RAD54L2: variants seen among roughly 807,000 people sequenced by gnomAD.
RAD54L2 encodes helicase ARIP4.
RAD54L2 carries 27 observed loss-of-function variants against 138.4 expected under a neutral mutation model. That is an observed-to-expected ratio of 0.20 (90% CI 0.14 to 0.27). RAD54L2 has a LOEUF of 0.27. RAD54L2 is among the 10% of genes least tolerant of loss of function. The pLI is 1.00. For missense variants in RAD54L2, 1,396 were observed against 1,890.2 expected, an observed-to-expected ratio of 0.74 and a Z score of 4.85; for synonymous variants, 644 against 723.2, an observed-to-expected ratio of 0.89 and a Z score of 1.76.
At chr3:51,567,394 G>A (rs1415093645) in intron 2 of RAD54L2, among the ~76,000 whole-genome samples, 1 of 152,048 alleles carries the variant, frequency 6.6e-6, no homozygotes, top group Non-Finnish European at 1.5e-5. Context: ...GTGTTATCTT[G>A]TTGGTTTCTA....
intron 2 of RAD54L2, among the ~76,000 whole-genome samples, chr3:51,550,818 A>G (rs1698816195): frequency 6.6e-6 from 1 of 152,152 alleles, no homozygotes; most frequent in South Asian, 2.1e-4. Context: ...AGGCTGAGGT[A>G]GGCAGATCAT....
At chr3:51,609,650 G>C (rs1036225500) in intron 3 of RAD54L2, among the ~76,000 whole-genome samples, 3 of 151,498 alleles carry the variant, frequency 2.0e-5, no homozygotes, top group African/African-American at 7.3e-5. Context: ...TGAAACCCCA[G>C]TCTTTGTTCA....
intron 15 of RAD54L2, among the ~76,000 whole-genome samples, chr3:51,642,635 T>G (rs1390354608): frequency 6.6e-6 from 1 of 152,168 alleles, no homozygotes; most frequent in Non-Finnish European, 1.5e-5. Context: ...GGCAGTAGTA[T>G]CTCTCAGTTT....
At chr3:51,565,207 C>T (rs890761196) in intron 2 of RAD54L2, among the ~76,000 whole-genome samples, 1 of 152,128 alleles carries the variant, frequency 6.6e-6, no homozygotes, top group Non-Finnish European at 1.5e-5. Context: ...GCCACATAGA[C>T]CCTGTTGCTA....
chr3:51,644,162 T>C (rs1316716039), intron 16 of RAD54L2, among the ~76,000 whole-genome samples, 188 bp downstream of exon 16: 2 of 152,184 alleles, frequency 1.3e-5, no homozygotes, highest in Non-Finnish European at 2.9e-5. Context: ...ATCATAAAAT[T>C]TTTTGAGACC....
chr3:51,657,095 C>T (rs753422011), intron 20 of RAD54L2, among the ~76,000 whole-genome samples: 6 of 152,030 alleles, frequency 3.9e-5, no homozygotes, highest in Non-Finnish European at 8.8e-5. Context: ...AAATTTGAAA[C>T]ACATGAAAAG....
chr3:51,543,505 G>A (rs1553671690), intron 2 of RAD54L2, among the ~76,000 whole-genome samples: 1 of 151,984 alleles, frequency 6.6e-6, no homozygotes, highest in African/African-American at 2.4e-5. Context: ...CTACTCGGGA[G>A]GCTGAGGTAG....
At chr3:51,565,885 G>A (rs1161236510) in intron 2 of RAD54L2, among the ~76,000 whole-genome samples, 2 of 138,286 alleles carry the variant, frequency 1.4e-5, no homozygotes, top group South Asian at 2.2e-4. Context: ...CTGGAGTGCT[G>A]TGGCGCGATC....
At chr3:51,578,568 AT>A (rs1699534419) in intron 2 of RAD54L2, among the ~76,000 whole-genome samples, 1 of 152,082 alleles carries the variant, frequency 6.6e-6, no homozygotes, top group Admixed American at 6.6e-5. Context: ...TGACCCCCTC[AT>A]GGGTGGGAAC....
intron 3 of RAD54L2, among the ~76,000 whole-genome samples, chr3:51,593,564 C>T (rs973097833): frequency 7.9e-5 from 12 of 152,132 alleles, no homozygotes; most frequent in East Asian, 1.9e-4. Flanking sequence ...GATCTCCTGA[C>T]GTCGTGATCC....
At position 51,639,844 on chromosome 3, in the gene RAD54L2, T is replaced by C. The variant is rs374245491; in HGVS notation, c.2113-37T>C. The C allele has an allele frequency of 2.3e-5, 35 of 1,527,090 alleles. No homozygotes were observed. The African/African-American group carries it at 4.1e-4, about 18-fold the overall frequency. The allele number at this position is 1,527,090 out of a possible 1,614,324, so 94.6% of individuals were successfully genotyped here. ...AATTTTATTTCTAGTGATCTGGCCT[T>C]GGACCTGCTCTAAGCTGCCTTGTTT... On this transcript the variant is annotated intron_variant, in intron 13 of 22. Transcript: ENST00000684192.
rs573634067 is a variant in RAD54L2 at position 51,637,519 on chromosome 3, G to C, written c.1682+16G>C. The C allele has an allele frequency of 4.4e-6, 7 of 1,594,514 alleles. No individual in the cohort carries two copies. The highest frequency in any genetic ancestry group is 6.0e-6 in the Non-Finnish European group (7 of 1,167,664). ...TTGTGCAGAGGTGAGCCATCCTCAG[G>C]GTCCTGCTTCCTGAATTTTCAGAGG... On this transcript the variant is annotated intron_variant, in intron 11 of 22. Coordinates refer to ENST00000684192, the MANE Select transcript of RAD54L2 (RefSeq NM_015106.4). The surrounding 1 kb of genome is among the most constrained non-coding windows in gnomAD (Gnocchi z 5.9).
chr3:51,580,342 C>G (rs1461920323), intron 2 of RAD54L2, among the ~76,000 whole-genome samples: 1 of 152,152 alleles, frequency 6.6e-6, no homozygotes, highest in Non-Finnish European at 1.5e-5. Context: ...CTTCTGTGCC[C>G]TATCCTGGAG....
At chr3:51,658,500 A>G (rs1271093669) in intron 21 of RAD54L2, among the ~76,000 whole-genome samples, 1 of 152,216 alleles carries the variant, frequency 6.6e-6, no homozygotes, top group East Asian at 1.9e-4. Flanking sequence ...GGAATAAAAA[A>G]GCTGGGCTAA....
intron 3 of RAD54L2, among the ~76,000 whole-genome samples, chr3:51,609,698 TTGTGTGTGTGTGTGTGTGTGTGTGTGTG>T (rs5848928): frequency 7.1e-6 from 1 of 141,080 alleles, no homozygotes; most frequent in Admixed American, 7.2e-5. Context: ...TTGTGGGCAT[TTGTGTGTGTGTGTGTGTGTGTGTGTGTG>T]TGTGTGTGTG....
At chr3:51,644,032 G>C (rs1701207838) in intron 16 of RAD54L2, 58 bp downstream of exon 16, 2 of 1,374,176 alleles carry the variant, frequency 1.5e-6, no homozygotes, top group African/African-American at 2.9e-5. Context: ...TGGCCACCTG[G>C]GCTGGTACCC....
intron 13 of RAD54L2, 82 bp from the exon 14 acceptor site, chr3:51,639,799 C>A: frequency 6.7e-7 from 1 of 1,484,320 alleles, no homozygotes; most frequent in Non-Finnish European, 9.2e-7. Context: ...GGCCAGTGAG[C>A]TGCTGCCTTG....
intron 2 of RAD54L2, among the ~76,000 whole-genome samples, chr3:51,574,943 T>C (rs1353852784): frequency 6.6e-6 from 1 of 152,208 alleles, no homozygotes; most frequent in Non-Finnish European, 1.5e-5. Context: ...CTGAATGGTA[T>C]TGCCTAGGTT....
At chr3:51,608,022 T>G (rs1216589995) in intron 3 of RAD54L2, among the ~76,000 whole-genome samples, 1 of 124,732 alleles carries the variant, frequency 8.0e-6, no homozygotes, top group Non-Finnish European at 1.7e-5. Flanking sequence ...TGCTCCTCAC[T>G]TCCCGGACAG....
Sources: gnomAD v4.1 joint callset for allele counts (sites outside exome capture counted in the v4.1 genomes callset) on GRCh38, gnomAD v4.1.1 for gene constraint, Gnocchi (gnomAD v3.1) non-coding constraint, MANE v1.5 for transcripts, NCBI Gene and HGNC (gene_info 2026-07-23, HGNC 2026-07-21) for gene names.